The following SYNPR variants were observed in gnomAD, a reference collection of about 807,000 sequenced individuals.
SYNPR encodes synaptoporin.
A neutral mutation model predicts 32.9 loss-of-function variants in SYNPR; 23 were observed. That is an observed-to-expected ratio of 0.70 (90% CI 0.50 to 0.99). The LOEUF is 0.99. Ranked by LOEUF, SYNPR falls within the 50% of genes least tolerant of loss-of-function variation. The pLI is 0.00. For synonymous variants in SYNPR, 146 were observed against 135.9 expected (o/e 1.07, Z -0.52); for missense variants, 318 against 349.3 (o/e 0.91, Z 0.71).
intron 4 of SYNPR, among the ~76,000 whole-genome samples, chr3:63,591,111 A>G (rs945479014): frequency 6.6e-6 from 1 of 150,750 alleles, no homozygotes; most frequent in African/African-American, 2.4e-5. Flanking sequence ...AATTTACGAG[A>G]AAAAAACAAA....
intron 2 of SYNPR, among the ~76,000 whole-genome samples, chr3:63,340,483 G>C (rs1401841297): frequency 2.0e-5 from 3 of 148,304 alleles, no homozygotes; most frequent in African/African-American, 7.4e-5. Flanking sequence ...GCAGTGGCGG[G>C]ATCTCGGCTC....
At chr3:63,431,380 G>A (rs1699990567) in intron 2 of SYNPR, among the ~76,000 whole-genome samples, 1 of 152,174 alleles carries the variant, frequency 6.6e-6, no homozygotes, top group Non-Finnish European at 1.5e-5. Flanking sequence ...TAAGAAGCTG[G>A]AGATCTCATT....
intron 2 of SYNPR, among the ~76,000 whole-genome samples, chr3:63,424,979 G>C (rs969619394): frequency 6.6e-6 from 1 of 152,138 alleles, no homozygotes; most frequent in African/African-American, 2.4e-5. Flanking sequence ...CTTCTTCCTA[G>C]CATATGTGCC....
intron 3 of SYNPR, among the ~76,000 whole-genome samples, chr3:63,549,026 T>TA (rs1332152291): frequency 6.6e-6 from 1 of 152,200 alleles, no homozygotes; most frequent in Non-Finnish European, 1.5e-5. Context: ...CACTTTCTAT[T>TA]AAAAAATCAC....
chr3:63,368,443 T>A (rs977116253), intron 2 of SYNPR, among the ~76,000 whole-genome samples: 2 of 152,096 alleles, frequency 1.3e-5, no homozygotes, highest in Non-Finnish European at 2.9e-5. Context: ...GAGCTTCAAG[T>A]TGGATGTAAA....
chr3:63,532,843 T>C (rs1233543676), intron 3 of SYNPR, among the ~76,000 whole-genome samples: 1 of 152,208 alleles, frequency 6.6e-6, no homozygotes, highest in Non-Finnish European at 1.5e-5. Flanking sequence ...TAATACACCA[T>C]GCTAAGATAA....
At chr3:63,286,880 A>C (rs1560179678) in intron 2 of SYNPR, among the ~76,000 whole-genome samples, 1 of 152,176 alleles carries the variant, frequency 6.6e-6, no homozygotes, top group Non-Finnish European at 1.5e-5. Flanking sequence ...TCTAAAGTAA[A>C]TGATAATTGT....
chr3:63,334,515 AGTGTGTGT>A (rs138498529), intron 2 of SYNPR, among the ~76,000 whole-genome samples: 2,012 of 149,384 alleles, frequency 0.013, 45 homozygotes, highest in African/African-American at 0.042. Flanking sequence ...GTCTCAATGA[AGTGTGTGT>A]GTGTGTGTGT....
intron 4 of SYNPR, among the ~76,000 whole-genome samples, chr3:63,565,827 ACT>A (rs1000783391): frequency 6.6e-6 from 1 of 151,538 alleles, no homozygotes; most frequent in Non-Finnish European, 1.5e-5. Context: ...CTTATGGGGA[ACT>A]CTCTACCTGT....
At chr3:63,613,610 C>CAAAAAAAAAAAAAAAAAAAA (rs10566584) in intron 5 of SYNPR, among the ~76,000 whole-genome samples, 1 of 46,028 alleles carries the variant, frequency 2.2e-5, no homozygotes, top group African/African-American at 8.3e-5. Context: ...TATGCTGCAG[C>CAAAAAAAAAAAAAAAAAAAA]AAAAAAAAAA....
At chr3:63,437,004 G>C (rs1383423742) in intron 2 of SYNPR, among the ~76,000 whole-genome samples, 1 of 152,112 alleles carries the variant, frequency 6.6e-6, no homozygotes, top group East Asian at 1.9e-4. Flanking sequence ...AGCCTCCTGA[G>C]TAGCTGGGAT....
chr3:63,288,058 T>C (rs2086702811), intron 2 of SYNPR, among the ~76,000 whole-genome samples: 1 of 152,210 alleles, frequency 6.6e-6, no homozygotes, highest in Admixed American at 6.5e-5. Flanking sequence ...ATTCTTGTCA[T>C]TATTCTTATC....
At chr3:63,589,164 C>CTCACGGTGA in intron 4 of SYNPR, among the ~76,000 whole-genome samples, 1 of 152,214 alleles carries the variant, frequency 6.6e-6, no homozygotes, top group East Asian at 1.9e-4. Flanking sequence ...AGTCCTGAGA[C>CTCACGGTGA]TGCTTTGAGA....
chr3:63,447,215 T>C (rs1700293902), intron 2 of SYNPR, among the ~76,000 whole-genome samples: 2 of 152,202 alleles, frequency 1.3e-5, no homozygotes, highest in South Asian at 2.1e-4. Flanking sequence ...TCATCAAATA[T>C]AGACTATCCC....
intron 2 of SYNPR, among the ~76,000 whole-genome samples, chr3:63,292,443 A>G (rs753780995): frequency 2.0e-5 from 3 of 152,196 alleles, no homozygotes; most frequent in Non-Finnish European, 4.4e-5. Flanking sequence ...CTACCTTTAA[A>G]AAATGCCTGA....
intron 4 of SYNPR, among the ~76,000 whole-genome samples, chr3:63,594,661 A>C (rs1170196847): frequency 1.3e-5 from 2 of 152,170 alleles, no homozygotes; most frequent in Non-Finnish European, 2.9e-5. Flanking sequence ...AGGAAATTAA[A>C]GAAGCAAATA....
intron 3 of SYNPR, among the ~76,000 whole-genome samples, chr3:63,552,365 A>C (rs1702518097): frequency 6.6e-6 from 1 of 152,136 alleles, no homozygotes; most frequent in Non-Finnish European, 1.5e-5. Context: ...CTACAGACAA[A>C]ACTATTGAGG....
intron 2 of SYNPR, among the ~76,000 whole-genome samples, chr3:63,458,206 C>A (rs569444396): frequency 4.4e-4 from 67 of 152,250 alleles, no homozygotes; most frequent in African/African-American, 1.6e-3. Flanking sequence ...CTCTTCTCTG[C>A]TTCACTATCT....
At chr3:63,340,800 T>C (rs9832522) in intron 2 of SYNPR, among the ~76,000 whole-genome samples, 2,600 of 152,302 alleles carry the variant, frequency 0.017, 60 homozygotes, top group African/African-American at 0.059. Context: ...CCCTTCCTTC[T>C]GTACATAATT....
Sources: allele counts gnomAD v4.1 joint callset (sites outside exome capture counted in the v4.1 genomes callset), GRCh38; gene constraint gnomAD v4.1.1; transcripts MANE v1.5; gene names NCBI Gene and HGNC (gene_info 2026-07-23, HGNC 2026-07-21).